Variants in SGCZ observed in about 807,000 individuals in gnomAD.
The protein encoded by SGCZ is zeta-sarcoglycan.
Under a neutral mutation model 41.3 loss-of-function variants are expected in SGCZ, and 40 were observed. The observed-to-expected ratio is 0.97, with a 90% CI of 0.75 to 1.26. The LOEUF is 1.26. Among genes scored for constraint, SGCZ ranks in the 50% most tolerant of loss-of-function variants. The probability of loss-of-function intolerance (pLI) is 0.00; values close to 1 mark genes in which losing one functional copy is unlikely to be tolerated. For synonymous variants in SGCZ, 206 were observed against 137.5 expected, an observed-to-expected ratio of 1.50 and a Z score of -3.49; for missense variants, 552 against 369.8, an observed-to-expected ratio of 1.49 and a Z score of -4.04.
intron 1 of SGCZ, among the ~76,000 whole-genome samples, chr8:14,808,726 C>T (rs1801636080): frequency 6.6e-6 from 1 of 152,012 alleles, no homozygotes; most frequent in Admixed American, 6.6e-5. Flanking sequence ...CATCCCATTA[C>T]TGGGTATATA....
intron 2 of SGCZ, among the ~76,000 whole-genome samples, chr8:14,528,106 CATA>C (rs1803009889): frequency 6.6e-6 from 1 of 151,952 alleles, no homozygotes; most frequent in South Asian, 2.1e-4. Flanking sequence ...TACTTGTACA[CATA>C]ATACTTCTGT....
intron 1 of SGCZ, among the ~76,000 whole-genome samples, chr8:14,877,020 C>G (rs540203606): frequency 6.6e-6 from 1 of 152,178 alleles, no homozygotes; most frequent in Non-Finnish European, 1.5e-5. Flanking sequence ...TGTCACCAGG[C>G]TGGAGCACAG....
intron 7 of SGCZ, among the ~76,000 whole-genome samples, chr8:14,094,795 C>T (rs1460313050): frequency 6.6e-6 from 1 of 152,114 alleles, no homozygotes; most frequent in African/African-American, 2.4e-5. Context: ...TCACCAGCAT[C>T]TGTTGTTTCC....
At chr8:15,157,841 A>C (rs1585623218) in intron 1 of SGCZ, among the ~76,000 whole-genome samples, 1 of 152,198 alleles carries the variant, frequency 6.6e-6, no homozygotes, top group African/African-American at 2.4e-5. Context: ...TCTAAAAACA[A>C]ATGTAAAAAT....
intron 3 of SGCZ, among the ~76,000 whole-genome samples, chr8:14,248,593 T>C (rs1466762767): frequency 6.6e-6 from 1 of 152,122 alleles, no homozygotes; most frequent in African/African-American, 2.4e-5. Context: ...AAATAAGAAA[T>C]TAATCTTTAT....
chr8:14,182,296 C>T (rs1804754608), intron 4 of SGCZ, among the ~76,000 whole-genome samples: 1 of 152,188 alleles, frequency 6.6e-6, no homozygotes, highest in Admixed American at 6.5e-5. Context: ...CCATGATGCC[C>T]AGCCGAGCAG....
At chr8:14,636,620 C>G (rs539037999) in intron 1 of SGCZ, among the ~76,000 whole-genome samples, 156 of 151,898 alleles carry the variant, frequency 1.0e-3, no homozygotes, top group African/African-American at 3.5e-3. Flanking sequence ...TTTCAGGTGT[C>G]ATTGAGACAA....
At chr8:14,125,496 T>G (rs2117044802) in intron 5 of SGCZ, among the ~76,000 whole-genome samples, 2 of 124,168 alleles carry the variant, frequency 1.6e-5, no homozygotes, top group South Asian at 5.0e-4. Flanking sequence ...AGAGAAAGAT[T>G]CCGTCTCAAA....
intron 2 of SGCZ, among the ~76,000 whole-genome samples, chr8:14,512,439 A>C (rs1802492554): frequency 6.6e-6 from 1 of 151,976 alleles, no homozygotes; most frequent in Non-Finnish European, 1.5e-5. Flanking sequence ...AATGTAGATT[A>C]CAGCTGATGC....
intron 4 of SGCZ, among the ~76,000 whole-genome samples, chr8:14,178,709 A>G (rs1417925177): frequency 6.6e-6 from 1 of 152,234 alleles, no homozygotes; most frequent in Non-Finnish European, 1.5e-5. Flanking sequence ...TTAACAGGAG[A>G]ATAACTTGGA....
intron 2 of SGCZ, among the ~76,000 whole-genome samples, chr8:14,545,408 T>C (rs1311843485): frequency 2.7e-5 from 3 of 112,458 alleles, no homozygotes; most frequent in Non-Finnish European, 5.1e-5. Context: ...GAAAAGCAAA[T>C]GCTTACTTTT....
At chr8:14,325,497 A>C (rs1802060804) in intron 2 of SGCZ, among the ~76,000 whole-genome samples, 1 of 148,016 alleles carries the variant, frequency 6.8e-6, no homozygotes, top group South Asian at 2.1e-4. Flanking sequence ...AATAGATTAT[A>C]TATAATCATA....
At chr8:14,648,446 G>C (rs1807294319) in intron 1 of SGCZ, among the ~76,000 whole-genome samples, 1 of 151,932 alleles carries the variant, frequency 6.6e-6, no homozygotes, top group Non-Finnish European at 1.5e-5. Flanking sequence ...CAAATATAAT[G>C]GAGCAATATT....
chr8:15,111,981 C>T (rs914300132), intron 1 of SGCZ, among the ~76,000 whole-genome samples: 1 of 151,594 alleles, frequency 6.6e-6, no homozygotes, highest in Admixed American at 6.6e-5. Context: ...TTGTTCAATT[C>T]TTTGTAAAAC....
chr8:14,517,044 A>G (rs1157097954), intron 2 of SGCZ, among the ~76,000 whole-genome samples: 2 of 151,776 alleles, frequency 1.3e-5, no homozygotes, highest in Admixed American at 6.6e-5. Context: ...TTCTCCCCCT[A>G]TGACTCGTAA....
chr8:14,468,678 C>A (rs189053346), intron 2 of SGCZ, among the ~76,000 whole-genome samples: 2 of 152,054 alleles, frequency 1.3e-5, no homozygotes, highest in East Asian at 3.9e-4. Context: ...GACACTAACA[C>A]CTTAAGTAAT....
chr8:14,321,189 T>G (rs1052533424), intron 3 of SGCZ, among the ~76,000 whole-genome samples: 33 of 152,086 alleles, frequency 2.2e-4, no homozygotes, highest in Non-Finnish European at 2.9e-5. Flanking sequence ...AAATGTTCTA[T>G]GAGTAATCTT....
intron 3 of SGCZ, among the ~76,000 whole-genome samples, chr8:14,248,185 A>T (rs1051314337): frequency 3.3e-5 from 5 of 152,200 alleles, no homozygotes; most frequent in Non-Finnish European, 1.5e-5. Context: ...AGCACTGTAC[A>T]AACATTTTTC....
At chr8:14,503,904 A>T (rs191232136) in intron 2 of SGCZ, among the ~76,000 whole-genome samples, 2 of 152,350 alleles carry the variant, frequency 1.3e-5, no homozygotes, top group Admixed American at 1.3e-4. Flanking sequence ...GAAGTTTAAA[A>T]TATTATAACA....
Sources: allele counts gnomAD v4.1 joint callset (sites outside exome capture counted in the v4.1 genomes callset), GRCh38; gene constraint gnomAD v4.1.1; transcripts MANE v1.5; gene names NCBI Gene and HGNC (gene_info 2026-07-23, HGNC 2026-07-21).